NCK2: variants seen among roughly 807,000 people sequenced by gnomAD.
The protein encoded by NCK2 is cytoplasmic protein NCK2.
NCK2 carries 16 observed loss-of-function variants against 33.9 expected under a neutral mutation model. The observed-to-expected ratio is 0.47, with a 90% confidence interval of 0.32 to 0.72. The LOEUF (loss-of-function observed/expected upper bound fraction) is 0.72. Among genes scored for constraint, NCK2 ranks in the 30% least tolerant of loss-of-function variants. The probability of loss-of-function intolerance (pLI) is 0.03; values close to 1 mark genes in which losing one functional copy is unlikely to be tolerated. For missense variants in NCK2, 418 were observed against 537.3 expected, an observed-to-expected ratio of 0.78 and a Z score of 2.19; for synonymous variants, 273 against 239.9, an observed-to-expected ratio of 1.14 and a Z score of -1.27.
rs74265815 is a variant in NCK2, at chr2:105,754,678, C to CT, written c.-201+9557dup. On this transcript the variant is annotated intron_variant, in intron 1 of 4. Coordinates refer to ENST00000233154, the MANE Select transcript of NCK2 (RefSeq NM_003581.5). ...GGTAAGAAAGCAGCTCCCCCAACAA[C>CT]TTTTTTTTTTTTTTTTTAAACTGCT... is the stretch of plus-strand genomic sequence containing the variant. 4.4e-3 allele frequency among the ~76,000 whole-genome samples: 594 copies of CT among 133,932 alleles called. 2 individuals carry two copies. The highest frequency in any genetic ancestry group is 0.012 in the Middle Eastern group (3 of 260). The allele number at this position is 133,932 out of a possible 152,430, so 87.9% of individuals were successfully genotyped here. A position where few individuals can be genotyped will look rare whatever the true frequency, so the allele number is the denominator to read the frequency against.
At chr2:105,870,753 AAAAG>A (rs146098736) in intron 3 of NCK2, among the ~76,000 whole-genome samples, 44,741 of 151,414 alleles carry the variant, frequency 0.3, 6,965 homozygotes, top group South Asian at 0.42. Context: ...CCTGTCTCAA[AAAAG>A]AAAGAAAGAA....
At chr2:105,820,939 T>C (rs1228567058) in intron 2 of NCK2, among the ~76,000 whole-genome samples, 2 of 152,118 alleles carry the variant, frequency 1.3e-5, no homozygotes, top group African/African-American at 2.4e-5. Flanking sequence ...ATGTCCAGCG[T>C]GTAAATGTCA....
At chr2:105,777,342 G>A (rs1690344176) in intron 1 of NCK2, among the ~76,000 whole-genome samples, 1 of 152,096 alleles carries the variant, frequency 6.6e-6, no homozygotes, top group African/African-American at 2.4e-5. Context: ...AGCTGGCAAG[G>A]GTAGCTTTCA....
chr2:105,812,397 C>T (rs1390078789), intron 1 of NCK2, among the ~76,000 whole-genome samples: 1 of 152,202 alleles, frequency 6.6e-6, no homozygotes, highest in East Asian at 1.9e-4. Flanking sequence ...TATCTGAAAC[C>T]AGCCTTTTCC....
intron 1 of NCK2, among the ~76,000 whole-genome samples, chr2:105,752,395 TATCTATC>T (rs1236746938): frequency 2.3e-5 from 2 of 87,836 alleles, no homozygotes; most frequent in Non-Finnish European, 6.1e-5. Context: ...TTAAAACTAA[TATCTATC>T]ATCAAAATAC....
At chr2:105,754,469 G>A (rs1185706922) in intron 1 of NCK2, among the ~76,000 whole-genome samples, 1 of 152,210 alleles carries the variant, frequency 6.6e-6, no homozygotes. Flanking sequence ...GTTTAAGGAT[G>A]TCTGCAAGTC....
chr2:105,821,453 A>G (rs1363064673), intron 2 of NCK2, among the ~76,000 whole-genome samples: 1 of 152,194 alleles, frequency 6.6e-6, no homozygotes. Context: ...CTGGGGGAAC[A>G]GTCTCTGCAG....
rs1186142893 is a variant in NCK2, at chr2:105,764,149, G to A, written c.-201+19011G>A. On this transcript the variant is annotated intron_variant, in intron 1 of 4. Coordinates refer to ENST00000233154, the MANE Select transcript of NCK2 (RefSeq NM_003581.5). Reference sequence around the variant, plus strand: ...CGCTTTGCAGAGCTTTCACGTGGGTGCATGCTGTTTGCACGCCTGTGCAAT... The same window carrying A: ...CGCTTTGCAGAGCTTTCACGTGGGTACATGCTGTTTGCACGCCTGTGCAAT... Among the ~76,000 whole-genome samples the A allele has an allele frequency of 8.5e-5, 13 of 152,260 alleles. 1 individual carries two copies. Among genetic ancestry groups the A allele is most frequent in the Admixed American group, 8.5e-4 (13 of 15,292 alleles).
intron 1 of NCK2, among the ~76,000 whole-genome samples, chr2:105,815,146 C>T (rs969697054): frequency 6.6e-6 from 1 of 152,202 alleles, no homozygotes; most frequent in Non-Finnish European, 1.5e-5. Context: ...GCCTAGTATA[C>T]GTTTGAACTT....
intron 3 of NCK2, among the ~76,000 whole-genome samples, chr2:105,873,168 C>T (rs1026887485): frequency 1.3e-5 from 2 of 152,208 alleles, no homozygotes; most frequent in African/African-American, 2.4e-5. Context: ...GGCATTTGTG[C>T]GTGAGTCTCT....
At chr2:105,807,905 TTCTGTCTCTC>T (rs1163428248) in intron 1 of NCK2, among the ~76,000 whole-genome samples, 5 of 140,996 alleles carry the variant, frequency 3.5e-5, no homozygotes, top group Non-Finnish European at 7.7e-5. Flanking sequence ...CTCTCTCTCT[TTCTGTCTCTC>T]TCTGTCTCTG....
Position 105,830,693 on chromosome 2 carries a change from G to GTGTGTGTGTGTGTGTGTGTGTGTGTA in NCK2, c.-17+14103_-17+14104insGTATGTGTGTGTGTGTGTGTGTGTGT, listed in dbSNP as rs1676146680. ...TTGGTGTGTGTGTGTGTGTGTGTGT[G>GTGTGTGTGTGTGTGTGTGTGTGTGTA]TGTGTGTGTGTGTGTGTGTGTGTTT... On this transcript the variant is annotated intron_variant, in intron 2 of 4. Coordinates refer to ENST00000233154, the MANE Select transcript of NCK2 (RefSeq NM_003581.5). Among the ~76,000 whole-genome samples, 4 of 148,040 alleles carry GTGTGTGTGTGTGTGTGTGTGTGTGTA rather than the reference G, an allele frequency of 2.7e-5. No individual in the cohort carries two copies. The Admixed American group carries it at 2.7e-4, about 10-fold the overall frequency.
At chr2:105,864,169 G>T (rs1276961159) in intron 3 of NCK2, among the ~76,000 whole-genome samples, 1 of 152,078 alleles carries the variant, frequency 6.6e-6, no homozygotes, top group East Asian at 1.9e-4. Context: ...TTTCCACAGG[G>T]CTTAAGGGGG....
chr2:105,860,791 C>T (rs1464708667), intron 3 of NCK2, among the ~76,000 whole-genome samples: 3 of 113,302 alleles, frequency 2.6e-5, no homozygotes, highest in Non-Finnish European at 3.9e-5. Context: ...GATCCATGCC[C>T]CGCCCGCCTG....
At chr2:105,763,451 C>A (rs1437576764) in intron 1 of NCK2, among the ~76,000 whole-genome samples, 1 of 152,092 alleles carries the variant, frequency 6.6e-6, no homozygotes, top group Non-Finnish European at 1.5e-5. Context: ...AAAATGAAAA[C>A]CTGTTCTCAA....
At position 105,810,425 on chromosome 2, in the gene NCK2, TCTTTC is replaced by T. The variant is rs775791427; in HGVS notation, c.-200-6001_-200-5997del. The stretch of plus-strand genomic sequence containing the variant: ...TCCTGACTCCTCACTCTTCCCTCCC[TCTTTC>T]CTTCCTTCAGAAAAAGGGGGGTTTG... On this transcript the variant is annotated intron_variant, in intron 1 of 4. Coordinates refer to ENST00000233154, the MANE Select transcript of NCK2 (RefSeq NM_003581.5). Among the ~76,000 whole-genome samples, 19 of 152,322 alleles carry T rather than the reference TCTTTC, an allele frequency of 1.2e-4. 1 individual carries two copies. Among genetic ancestry groups the T allele is most frequent in the Admixed American group, 7.8e-4 (12 of 15,304 alleles).
chr2:105,882,124 C>G, intron 4 of NCK2, 75 bp downstream of exon 4: 2 of 1,388,238 alleles, frequency 1.4e-6, no homozygotes, highest in Non-Finnish European at 1.9e-6. Context: ...GTGCCGCGCC[C>G]TTTTCACATT....
chr2:105,752,839 A>G (rs893409067), intron 1 of NCK2, among the ~76,000 whole-genome samples: 1 of 152,190 alleles, frequency 6.6e-6, no homozygotes, highest in Non-Finnish European at 1.5e-5. Flanking sequence ...CATATTTCTG[A>G]TAACATGTTA....
chr2:105,750,312 G>GTGACCTTTTTTAACCTTATTTA (rs1311717672), intron 1 of NCK2, among the ~76,000 whole-genome samples: 1 of 152,080 alleles, frequency 6.6e-6, no homozygotes, highest in Non-Finnish European at 1.5e-5. Context: ...CACCCTTATG[G>GTGACCTTTTTTAACCTTATTTA]TGACCTTTTT....
Sources: allele counts gnomAD v4.1 joint callset (sites outside exome capture counted in the v4.1 genomes callset), GRCh38; gene constraint gnomAD v4.1.1; transcripts MANE v1.5; gene names NCBI Gene and HGNC (gene_info 2026-07-23, HGNC 2026-07-21).